The following SLC37A1 variants were observed in gnomAD, a reference collection of about 807,000 sequenced individuals.
SLC37A1 encodes solute carrier family 37 member 1.
Under a neutral mutation model 75.3 loss-of-function variants are expected in SLC37A1, and 49 were observed. That is an observed-to-expected ratio of 0.65 (90% CI 0.52 to 0.83). The LOEUF (loss-of-function observed/expected upper bound fraction) is 0.83, where lower values mean the gene tolerates loss of function less well. Ranked by LOEUF, SLC37A1 falls within the 40% of genes least tolerant of loss-of-function variation. SLC37A1 has a pLI of 0.00. For missense variants in SLC37A1, 566 were observed against 695.0 expected, an observed-to-expected ratio of 0.81 and a Z score of 2.09; for synonymous variants, 268 against 292.1, an observed-to-expected ratio of 0.92 and a Z score of 0.84.
intron 16 of SLC37A1, among the ~76,000 whole-genome samples, 161 bp downstream of exon 16, chr21:42,567,219 G>C (rs9979646): frequency 0.66 from 99,043 of 150,300 alleles, 33,375 homozygotes; most frequent in Admixed American, 0.76. Flanking sequence ...CACCTGCCCC[G>C]CTGCTCACCC....
chr21:42,541,209 C>G (rs1479049649), intron 6 of SLC37A1, among the ~76,000 whole-genome samples: 1 of 152,236 alleles, frequency 6.6e-6, no homozygotes, highest in Non-Finnish European at 1.5e-5. Flanking sequence ...CCCCGCTGAT[C>G]TGACAGGAGG....
At chr21:42,557,767 G>A (rs1042342997) in intron 10 of SLC37A1, among the ~76,000 whole-genome samples, 1 of 147,590 alleles carries the variant, frequency 6.8e-6, no homozygotes, top group South Asian at 2.2e-4. Flanking sequence ...GGGGAATGTG[G>A]AATACATTAC....
At chr21:42,556,487 A>G (rs7276861) in intron 10 of SLC37A1, among the ~76,000 whole-genome samples, 21,532 of 152,182 alleles carry the variant, frequency 0.14, 2,194 homozygotes, top group African/African-American at 0.28. Context: ...TTTTTAGATA[A>G]AGCGATCGTT....
At chr21:42,571,521 C>T (rs1380611851) in intron 17 of SLC37A1, among the ~76,000 whole-genome samples, 2 of 152,170 alleles carry the variant, frequency 1.3e-5, no homozygotes, top group African/African-American at 2.4e-5. Context: ...CAGCGGCGTT[C>T]CGTCCCCCTC....
At chr21:42,553,807 TG>T (rs2055614795) in intron 9 of SLC37A1, among the ~76,000 whole-genome samples, 1 of 152,232 alleles carries the variant, frequency 6.6e-6, no homozygotes, top group African/African-American at 2.4e-5. Flanking sequence ...AAAGTTAAGT[TG>T]GCTTAATGGG....
At chr21:42,568,557 T>G in intron 17 of SLC37A1, 119 bp downstream of exon 17, 1 of 971,064 alleles carries the variant, frequency 1.0e-6, no homozygotes, top group Non-Finnish European at 1.6e-6. Flanking sequence ...TGGGCCGGCT[T>G]CTTACTATAC....
At chr21:42,525,160 C>T (rs2054751028) in intron 2 of SLC37A1, among the ~76,000 whole-genome samples, 1 of 152,196 alleles carries the variant, frequency 6.6e-6, no homozygotes, top group Non-Finnish European at 1.5e-5. Flanking sequence ...CCATACCTCG[C>T]CCTGTGCATC....
rs1302522739 is a variant in SLC37A1, at chr21:42,548,464, T to C, written c.768+1324T>C. Among the ~76,000 whole-genome samples the C allele has an allele frequency of 2.6e-5, 4 of 151,598 alleles. No homozygotes were observed. The highest frequency in any genetic ancestry group is 1.3e-4 in the Admixed American group (2 of 15,242). ...CCCGAGGAGCCAGCCCAACACCCCCTCCCTTCAGCCCCGCACCCCATCCTT... is the reference window on the plus strand; with the variant it reads ...CCCGAGGAGCCAGCCCAACACCCCCCCCCTTCAGCCCCGCACCCCATCCTT... On this transcript the variant is annotated intron_variant, in intron 9 of 19. Coordinates refer to ENST00000352133, the MANE Select transcript of SLC37A1 (RefSeq NM_001320537.2). The surrounding 1 kb of genome is among the most constrained non-coding windows in gnomAD (Gnocchi z 5.6).
rs916481396 is a variant in SLC37A1 at position 42,548,750 on chromosome 21, T to C, written c.768+1610T>C. Among the ~76,000 whole-genome samples, 3 of 152,166 alleles carry C rather than the reference T, an allele frequency of 2.0e-5. No individual in the cohort carries two copies. Among genetic ancestry groups the C allele is most frequent in the African/African-American group, 7.2e-5 (3 of 41,450 alleles). On this transcript the variant is annotated intron_variant, in intron 9 of 19. Transcript: ENST00000352133. The surrounding 1 kb of genome is among the most constrained non-coding windows in gnomAD (Gnocchi z 5.6). ...AGTCCAGTGGCTCCATGTCGCCCCG[T>C]GTGAAATCCTCACCAGTCCATCTGG...
At chr21:42,574,062 CAT>C (rs57969037) in intron 17 of SLC37A1, among the ~76,000 whole-genome samples, 74 of 152,314 alleles carry the variant, frequency 4.9e-4, no homozygotes, top group African/African-American at 1.7e-3. Flanking sequence ...TGCACACACA[CAT>C]GCATAATTTT....
rs532266185 is a variant in SLC37A1 at position 42,548,098 on chromosome 21, CTG to C, written c.768+961_768+962del. The stretch of plus-strand genomic sequence containing the variant: ...ACCCGGGCTAACATGTTAGTCACGT[CTG>C]TGCCGAGTGTCAGACCCCAGATGTG... On this transcript the variant is annotated intron_variant, in intron 9 of 19. Transcript: ENST00000352133. This position sits in a 1 kb window ranked among gnomAD's most constrained non-coding sequence, Gnocchi z 5.6. Among the ~76,000 whole-genome samples, 8 of 152,326 alleles carry C rather than the reference CTG, an allele frequency of 5.3e-5. No homozygotes were observed. The South Asian group carries it at 1.7e-3, about 32-fold the overall frequency.
intron 2 of SLC37A1, among the ~76,000 whole-genome samples, chr21:42,525,544 A>G (rs2146756715): frequency 6.6e-6 from 1 of 152,370 alleles, no homozygotes; most frequent in South Asian, 2.1e-4. Flanking sequence ...AGGGTAGGAA[A>G]AGCAGTCTGG....
intron 2 of SLC37A1, among the ~76,000 whole-genome samples, chr21:42,522,790 T>G (rs991149335): frequency 6.6e-6 from 1 of 152,090 alleles, no homozygotes; most frequent in Non-Finnish European, 1.5e-5. Flanking sequence ...TCCCAAAGGG[T>G]CTCATTCATT....
intron 2 of SLC37A1, among the ~76,000 whole-genome samples, chr21:42,525,399 C>G (rs958463390): frequency 2.0e-5 from 3 of 152,230 alleles, no homozygotes; most frequent in Non-Finnish European, 4.4e-5. Flanking sequence ...GGGGCTGATG[C>G]TGACTCCTGG....
intron 10 of SLC37A1, among the ~76,000 whole-genome samples, chr21:42,557,334 G>A (rs959415893): frequency 2.0e-5 from 3 of 152,402 alleles, no homozygotes; most frequent in African/African-American, 7.2e-5. Flanking sequence ...AAAGCCCCCC[G>A]AGGAGATTCC....
chr21:42,537,906 G>A (rs929185321), intron 5 of SLC37A1, among the ~76,000 whole-genome samples: 1 of 152,132 alleles, frequency 6.6e-6, no homozygotes, highest in South Asian at 2.1e-4. Flanking sequence ...TGTTTTGTTC[G>A]CTATGTCAGA....
rs765281788 is a variant in SLC37A1, at chr21:42,525,747, T to C, written c.57-29T>C. Reference sequence around the variant, plus strand: ...CTAACATAACTTCTGTTATTTCATATCATCCTCTCCCACTGTTTTGTGTTT... The same window carrying C: ...CTAACATAACTTCTGTTATTTCATACCATCCTCTCCCACTGTTTTGTGTTT... On this transcript the variant is annotated intron_variant, in intron 2 of 19. Coordinates refer to ENST00000352133, the MANE Select transcript of SLC37A1 (RefSeq NM_001320537.2). The C allele has an allele frequency of 3.9e-6, 6 of 1,520,116 alleles. No individual in the cohort carries two copies. In the Admixed American group the frequency reaches 1.0e-4, roughly 25 times the overall value. The allele number at this position is 1,520,116 out of a possible 1,614,324, so 94.2% of individuals were successfully genotyped here.
In SLC37A1 at chr21:42,554,364, G is replaced by A. The variant is rs138390618; in HGVS notation, c.849+222G>A. 3.4e-3 allele frequency among the ~76,000 whole-genome samples: 521 copies of A among 152,290 alleles called. 2 individuals are homozygous for A. The highest frequency in any genetic ancestry group is 6.8e-3 in the South Asian group (33 of 4,830). On this transcript the variant is annotated intron_variant, in intron 10 of 19. Transcript: ENST00000352133. ...ACCAGTTCATTCATTCAGCAGCTCCGCACCTTTCAATGTCCCAGGCACTAT... is the reference window on the plus strand; with the variant it reads ...ACCAGTTCATTCATTCAGCAGCTCCACACCTTTCAATGTCCCAGGCACTAT...
chr21:42,530,656 C>CACACACACA lies in SLC37A1; in HGVS notation c.139-4042_139-4041insACACACACA, dbSNP rs1568997149. On this transcript the variant is annotated intron_variant, in intron 3 of 19. Coordinates refer to ENST00000352133, the MANE Select transcript of SLC37A1 (RefSeq NM_001320537.2). ...CACACACACACACACACACACACAC[C>CACACACACA]CCCTCTGTGTTGGCTGAAGGTGGAG... Among the ~76,000 whole-genome samples, 209 of 23,480 alleles carry CACACACACA rather than the reference C, an allele frequency of 8.9e-3. 8 individuals carry two copies. The highest frequency in any genetic ancestry group is 0.018 in the Middle Eastern group (1 of 56). The allele number at this position is 23,480 out of a possible 152,430, so 15.4% of individuals were successfully genotyped here. A position where few individuals can be genotyped will look rare whatever the true frequency, so the allele number is the denominator to read the frequency against.
Sources: gnomAD v4.1 joint callset for allele counts (sites outside exome capture counted in the v4.1 genomes callset) on GRCh38, gnomAD v4.1.1 for gene constraint, Gnocchi (gnomAD v3.1) non-coding constraint, MANE v1.5 for transcripts, NCBI Gene and HGNC (gene_info 2026-07-23, HGNC 2026-07-21) for gene names.